CREB5: variants seen among roughly 807,000 people sequenced by gnomAD.
CREB5 encodes the protein cAMP responsive element binding protein 5, also known as cyclic AMP-responsive element-binding protein 5.
CREB5 carries 19 observed loss-of-function variants against 57.1 expected under a neutral mutation model. The observed-to-expected ratio is 0.33, with a 90% CI of 0.23 to 0.49. The LOEUF is 0.49. Among genes scored for constraint, CREB5 ranks in the 20% least tolerant of loss-of-function variants. CREB5 has a pLI of 0.99. For missense variants in CREB5, 579 were observed against 671.6 expected (o/e 0.86, Z 1.52); for synonymous variants, 238 against 238.3 (o/e 1.00, Z 0.01).
intron 2 of CREB5, among the ~76,000 whole-genome samples, chr7:28,489,849 G>A (rs1791723195): frequency 6.6e-6 from 1 of 152,168 alleles, no homozygotes; most frequent in Admixed American, 6.5e-5. Flanking sequence ...TGATTTTGAA[G>A]TAGAAAACAC....
chr7:28,503,437 G>T lies in CREB5; in HGVS notation c.170-4179G>T, dbSNP rs1260459460. On this transcript the variant is annotated intron_variant, in intron 3 of 10. Coordinates refer to ENST00000357727, the MANE Select transcript of CREB5 (RefSeq NM_182898.4). ...AAAATACCTGAGAAAAATCACATAA[G>T]ATAACAGAAATATTAGACTACCCAT... Among the ~76,000 whole-genome samples, 5 of 152,040 alleles carry T rather than the reference G, an allele frequency of 3.3e-5. No homozygotes were observed. The East Asian group carries it at 9.6e-4, about 29-fold the overall frequency.
At chr7:28,810,083 A>G (rs999089838) in intron 9 of CREB5, among the ~76,000 whole-genome samples, 8 of 152,176 alleles carry the variant, frequency 5.3e-5, no homozygotes, top group Non-Finnish European at 1.2e-4. Flanking sequence ...AGATTTTATA[A>G]TGAGGCCCAG....
chr7:28,622,257 T>TCACACA (rs879826524), intron 5 of CREB5, among the ~76,000 whole-genome samples: 13 of 139,222 alleles, frequency 9.3e-5, no homozygotes, highest in African/African-American at 3.5e-4. Flanking sequence ...TCTCTCTCTC[T>TCACACA]CTCACACACA....
At chr7:28,658,674 G>A (rs1799430609) in intron 5 of CREB5, among the ~76,000 whole-genome samples, 1 of 152,102 alleles carries the variant, frequency 6.6e-6, no homozygotes, top group Admixed American at 6.6e-5. Context: ...GTTCCCAGGA[G>A]GATGCAGCCT....
chr7:28,799,471 G>T (rs1213035419), intron 7 of CREB5, among the ~76,000 whole-genome samples: 1 of 152,186 alleles, frequency 6.6e-6, no homozygotes, highest in African/African-American at 2.4e-5. Flanking sequence ...TAGCATTATT[G>T]TCTTGGCCTT....
chr7:28,477,989 C>T (rs180930993), intron 1 of CREB5, among the ~76,000 whole-genome samples: 6 of 152,108 alleles, frequency 3.9e-5, no homozygotes, highest in Non-Finnish European at 5.9e-5. Flanking sequence ...TGGTGCACAC[C>T]TGTGGTGTCC....
intron 1 of CREB5, among the ~76,000 whole-genome samples, chr7:28,486,075 C>T (rs536663319): frequency 1.5e-4 from 23 of 152,172 alleles, no homozygotes; most frequent in African/African-American, 5.3e-4. Context: ...TTATGGTAAT[C>T]ACTGTATTCA....
chr7:28,702,526 TATGTTA>T (rs2128738139), intron 5 of CREB5, among the ~76,000 whole-genome samples: 1 of 152,334 alleles, frequency 6.6e-6, no homozygotes, highest in South Asian at 2.1e-4. Context: ...CCTTTCCAAC[TATGTTA>T]TGATGTTCTC....
intron 1 of CREB5, among the ~76,000 whole-genome samples, chr7:28,436,483 G>T (rs776789626): frequency 6.6e-6 from 1 of 152,104 alleles, no homozygotes; most frequent in Non-Finnish European, 1.5e-5. Flanking sequence ...TGGTTGGGTG[G>T]CAAGAAGATC....
chr7:28,723,869 T>C (rs1292008509), intron 6 of CREB5, among the ~76,000 whole-genome samples: 1 of 152,228 alleles, frequency 6.6e-6, no homozygotes, highest in Non-Finnish European at 1.5e-5. Flanking sequence ...TTCCTATAGC[T>C]TTTGTATGGA....
At chr7:28,378,972 G>A (rs545922871) in intron 1 of CREB5, among the ~76,000 whole-genome samples, 2 of 152,270 alleles carry the variant, frequency 1.3e-5, no homozygotes, top group East Asian at 3.9e-4. Context: ...CTTATTTGAG[G>A]AACCTGTGCT....
chr7:28,473,747 A>G (rs890345054), intron 1 of CREB5, among the ~76,000 whole-genome samples: 2 of 152,160 alleles, frequency 1.3e-5, no homozygotes, highest in African/African-American at 4.8e-5. Flanking sequence ...AGTGGATGAG[A>G]GCAGACATAG....
At chr7:28,637,147 C>T (rs1798453442) in intron 5 of CREB5, among the ~76,000 whole-genome samples, 1 of 151,790 alleles carries the variant, frequency 6.6e-6, no homozygotes, top group African/African-American at 2.4e-5. Flanking sequence ...GAATGAAACC[C>T]TGTCTTAAAA....
chr7:28,547,550 T>C (rs897427597), intron 4 of CREB5, among the ~76,000 whole-genome samples: 1 of 152,218 alleles, frequency 6.6e-6, no homozygotes, highest in African/African-American at 2.4e-5. Context: ...ACCAACATTA[T>C]GAAGGATAAT....
intron 5 of CREB5, among the ~76,000 whole-genome samples, chr7:28,642,985 C>CACAG (rs1562544740): frequency 9.2e-6 from 1 of 108,584 alleles, no homozygotes; most frequent in Admixed American, 9.4e-5. Context: ...CACACACACA[C>CACAG]ATACACACAC....
chr7:28,564,846 G>A lies in CREB5; in HGVS notation c.292-5519G>A, dbSNP rs544498739. ...TTCTACAAAAGCTTATGGTTATGAAGAAAAATCAACGTTTGTAGGTCCATG... is the reference window on the plus strand; with the variant it reads ...TTCTACAAAAGCTTATGGTTATGAAAAAAAATCAACGTTTGTAGGTCCATG... On this transcript the variant is annotated intron_variant, in intron 4 of 10. Coordinates refer to ENST00000357727, the MANE Select transcript of CREB5 (RefSeq NM_182898.4). Among the ~76,000 whole-genome samples the A allele has an allele frequency of 7.9e-5, 12 of 152,318 alleles. No individual in the cohort carries two copies. The South Asian group carries it at 1.7e-3, about 21-fold the overall frequency.
rs542594726 is a variant in CREB5, at chr7:28,571,240, G to A, written c.464+703G>A. ...AAAACTTGTGAATTGTTTATTTCTGGAATTTTCCTTTTAATATTTTTGGAC... is the reference window on the plus strand; with the variant it reads ...AAAACTTGTGAATTGTTTATTTCTGAAATTTTCCTTTTAATATTTTTGGAC... On this transcript the variant is annotated intron_variant, in intron 5 of 10. Coordinates refer to ENST00000357727, the MANE Select transcript of CREB5 (RefSeq NM_182898.4). Among the ~76,000 whole-genome samples, 3 of 152,226 alleles carry A rather than the reference G, an allele frequency of 2.0e-5. No individual in the cohort carries two copies. The South Asian group carries it at 6.2e-4, about 32-fold the overall frequency.
rs144382740 is a variant in CREB5, at chr7:28,613,550, A to G, written c.464+43013A>G. Among the ~76,000 whole-genome samples the G allele has an allele frequency of 6.6e-3, 1,008 of 152,338 alleles. 5 individuals are homozygous for G. Among genetic ancestry groups the G allele is most frequent in the Non-Finnish European group, 1.0e-2 (680 of 68,036 alleles). On this transcript the variant is annotated intron_variant, in intron 5 of 10. Coordinates refer to ENST00000357727, the MANE Select transcript of CREB5 (RefSeq NM_182898.4). ...GAATGAAGAATGATTGCGACCTTAG[A>G]TTTGGGTTTCTGAAGGACAAAGTTA...
At chr7:28,314,154 C>G (rs1002098494) in intron 1 of CREB5, among the ~76,000 whole-genome samples, 1 of 152,120 alleles carries the variant, frequency 6.6e-6, no homozygotes, top group African/African-American at 2.4e-5. Flanking sequence ...GTGCAGCGAT[C>G]CTGATGTTTC....
Sources: allele counts gnomAD v4.1 joint callset (sites outside exome capture counted in the v4.1 genomes callset), GRCh38; gene constraint gnomAD v4.1.1; transcripts MANE v1.5; gene names NCBI Gene and HGNC (gene_info 2026-07-23, HGNC 2026-07-21).